The following NAA25 variants were observed in gnomAD, a reference collection of about 807,000 sequenced individuals.
NAA25 encodes the protein N-terminal acetyltransferase B complex subunit NAA25.
NAA25 carries 30 observed loss-of-function variants against 132.5 expected under a neutral mutation model. The observed-to-expected ratio is 0.23, with a 90% confidence interval of 0.17 to 0.31. The LOEUF (loss-of-function observed/expected upper bound fraction) is 0.31. NAA25 is among the 10% of genes least tolerant of loss of function. The pLI is 1.00. For missense variants in NAA25, 771 were observed against 1,150.4 expected, an observed-to-expected ratio of 0.67 and a Z score of 4.77; for synonymous variants, 359 against 401.9, an observed-to-expected ratio of 0.89 and a Z score of 1.28.
chr12:112,086,800 T>C (rs1012082596), intron 4 of NAA25, among the ~76,000 whole-genome samples: 1 of 151,806 alleles, frequency 6.6e-6, no homozygotes, highest in Non-Finnish European at 1.5e-5. Flanking sequence ...TCACCTGAGG[T>C]CGGGAGTTTG....
chr12:112,102,696 C>T (rs1349858267), intron 1 of NAA25, among the ~76,000 whole-genome samples: 1 of 145,906 alleles, frequency 6.9e-6, no homozygotes. Context: ...AGCTGCCCCC[C>T]CGCCCCCCGC....
At chr12:112,078,408 T>C in intron 6 of NAA25, 142 bp from the exon 7 acceptor site, 2 of 703,430 alleles carry the variant, frequency 2.8e-6, no homozygotes, top group Non-Finnish European at 4.8e-6. Context: ...GGTAACAGGA[T>C]CTTCTCCATC....
At chr12:112,042,936 T>C in intron 19 of NAA25, 152 bp downstream of exon 19, 1 of 583,504 alleles carries the variant, frequency 1.7e-6, no homozygotes, top group Non-Finnish European at 2.9e-6. Flanking sequence ...AACCTACGAC[T>C]GTACCCTCTC....
In NAA25 at chr12:112,028,682, T is replaced by A. The variant is rs1304181231; in HGVS notation, c.*849A>T. On this transcript the variant is annotated 3_prime_UTR_variant, in exon 24 of 24. Coordinates refer to ENST00000261745, the MANE Select transcript of NAA25 (RefSeq NM_024953.4). ...ACTCACAAAACCAATGAAATAAGTA[T>A]CATACTTGCCTGCATAAATTATGTG... 1 of 152,068 alleles carries A rather than the reference T, an allele frequency of 6.6e-6. No individual in the cohort carries two copies. Among genetic ancestry groups the A allele is most frequent in the East Asian group, 1.9e-4 (1 of 5,188 alleles). 9.4% of individuals were successfully genotyped at this position (152,068 alleles called of 1,614,324 possible). A position where few individuals can be genotyped will look rare whatever the true frequency, so the allele number is the denominator to read the frequency against.
At chr12:112,095,239 C>T (rs950951284) in intron 1 of NAA25, among the ~76,000 whole-genome samples, 1 of 151,806 alleles carries the variant, frequency 6.6e-6, no homozygotes, top group African/African-American at 2.4e-5. Context: ...AGATTGAGAC[C>T]ATCCTGGCTA....
chr12:112,071,826 C>CGGTGGTCGACG, intron 10 of NAA25, 69 bp downstream of exon 10: 1 of 1,247,882 alleles, frequency 8.0e-7, no homozygotes, highest in Admixed American at 2.4e-5. Flanking sequence ...GTGTAGATCT[C>CGGTGGTCGACG]AACTAATGAA....
At chr12:112,091,675 G>A (rs2079132862) in intron 2 of NAA25, among the ~76,000 whole-genome samples, 1 of 151,802 alleles carries the variant, frequency 6.6e-6, no homozygotes, top group Non-Finnish European at 1.5e-5. Flanking sequence ...GTCCAGCCTA[G>A]GCAACAGGGT....
intron 11 of NAA25, among the ~76,000 whole-genome samples, chr12:112,066,731 A>G (rs1407975586): frequency 6.6e-6 from 1 of 152,168 alleles, no homozygotes. Flanking sequence ...AGCTTTACTA[A>G]ACCAACGTGA....
intron 2 of NAA25, 77 bp from the exon 3 acceptor site, chr12:112,090,941 G>T: frequency 1.4e-6 from 2 of 1,407,948 alleles, no homozygotes; most frequent in Non-Finnish European, 2.0e-6. Flanking sequence ...CGATCTGAAA[G>T]AACAAGTATT....
chr12:112,030,210 C>CAAAAAAAAAAAAAAAAAAA (rs67757055), intron 23 of NAA25, among the ~76,000 whole-genome samples: 1 of 53,378 alleles, frequency 1.9e-5, no homozygotes, highest in Non-Finnish European at 3.3e-5. Context: ...AAAGCTGTCT[C>CAAAAAAAAAAAAAAAAAAA]AAAAAAAAAA....
rs776928479 is a variant in NAA25, at chr12:112,074,737, A to C, written c.804T>G (p.Thr268=). The C allele has an allele frequency of 1.2e-6, 2 of 1,611,994 alleles. No individual in the cohort carries two copies. Among genetic ancestry groups the C allele is most frequent in the African/African-American group, 2.7e-5 (2 of 74,886 alleles). The change falls in exon 9 of 24, where the codon ACT becomes ACG. Residue 268 remains threonine (T), a synonymous_variant. Coordinates refer to ENST00000261745, the MANE Select transcript of NAA25 (RefSeq NM_024953.4). ...TCAGTCGAAAGACAGAATCGAAATA[A>C]GTCAGATAGAACTGCCAGTCATCTG... is the stretch of plus-strand genomic sequence containing the variant. ...KNSDDWQFYL[T]YFDSVFRLIE...
At chr12:112,060,460 A>C in intron 12 of NAA25, 101 bp from the exon 13 acceptor site, 1 of 697,160 alleles carries the variant, frequency 1.4e-6, no homozygotes, top group East Asian at 2.8e-5. Flanking sequence ...GGAGAGGAGG[A>C]AAAGTAAAAG....
chr12:112,045,451 C>T (rs990595560), intron 17 of NAA25, among the ~76,000 whole-genome samples: 6 of 148,486 alleles, frequency 4.0e-5, no homozygotes, highest in Non-Finnish European at 8.9e-5. Context: ...TGCGCCACCG[C>T]ACTCCAGCCT....
At chr12:112,038,396 G>A (rs781442855) in intron 22 of NAA25, among the ~76,000 whole-genome samples, 6 of 152,136 alleles carry the variant, frequency 3.9e-5, no homozygotes, top group Non-Finnish European at 7.3e-5. Flanking sequence ...TTATGGTTTT[G>A]CAGAGACCTG....
intron 22 of NAA25, among the ~76,000 whole-genome samples, chr12:112,038,277 G>C (rs1027372107): frequency 3.9e-5 from 6 of 152,126 alleles, no homozygotes; most frequent in Non-Finnish European, 8.8e-5. Flanking sequence ...GCCTCCCAAA[G>C]TGCTGGGATT....
chr12:112,045,565 T>TGG (rs1462149407), intron 17 of NAA25, among the ~76,000 whole-genome samples: 2 of 149,158 alleles, frequency 1.3e-5, no homozygotes, highest in Admixed American at 1.3e-4. Context: ...GTGGCCCAGA[T>TGG]GGGGGGATCA....
intron 1 of NAA25, among the ~76,000 whole-genome samples, chr12:112,096,346 CACAG>C (rs2079212866): frequency 1.3e-5 from 2 of 152,224 alleles, no homozygotes; most frequent in Non-Finnish European, 2.9e-5. Flanking sequence ...TCAGCAAAGG[CACAG>C]ACAACTTAAA....
chr12:112,066,847 T>C (rs2078725680), intron 11 of NAA25, among the ~76,000 whole-genome samples: 1 of 152,186 alleles, frequency 6.6e-6, no homozygotes, highest in Admixed American at 6.5e-5. Flanking sequence ...GCCAAAGTAC[T>C]GAACCTTCAT....
chr12:112,085,543 C>A (rs1171435704), intron 4 of NAA25, among the ~76,000 whole-genome samples: 3 of 151,644 alleles, frequency 2.0e-5, no homozygotes, highest in Non-Finnish European at 4.4e-5. Flanking sequence ...ATAAAGACAC[C>A]CAGTATTATT....
Sources: allele counts gnomAD v4.1 joint callset (sites outside exome capture counted in the v4.1 genomes callset), GRCh38; gene constraint gnomAD v4.1.1; transcripts MANE v1.5; gene names NCBI Gene and HGNC (gene_info 2026-07-23, HGNC 2026-07-21).